The following KIAA1958 variants were observed in gnomAD, a reference collection of about 807,000 sequenced individuals.
KIAA1958 encodes the protein KIAA1958, also known as uncharacterized protein KIAA1958.
A neutral mutation model predicts 47.2 loss-of-function variants in KIAA1958; 14 were observed. The observed-to-expected ratio is 0.30, with a 90% CI of 0.20 to 0.46. KIAA1958 has a LOEUF of 0.46. Ranked by LOEUF, KIAA1958 falls within the 20% of genes least tolerant of loss-of-function variation. The pLI is 1.00. For synonymous variants in KIAA1958, 354 were observed against 353.3 expected, an observed-to-expected ratio of 1.00 and a Z score of -0.02; for missense variants, 803 against 909.2, an observed-to-expected ratio of 0.88 and a Z score of 1.50.
intron 2 of KIAA1958, among the ~76,000 whole-genome samples, chr9:112,637,876 C>T (rs866863132): frequency 4.6e-5 from 7 of 151,830 alleles, no homozygotes; most frequent in African/African-American, 9.7e-5. Flanking sequence ...GGGCCAGGCG[C>T]GGTGGCTCAC....
chr9:112,569,877 G>T (rs1564175673), intron 1 of KIAA1958, among the ~76,000 whole-genome samples: 1 of 152,072 alleles, frequency 6.6e-6, no homozygotes, highest in Non-Finnish European at 1.5e-5. Flanking sequence ...ACCCACTTCG[G>T]CTCCTCAAAG....
intron 1 of KIAA1958, among the ~76,000 whole-genome samples, chr9:112,558,389 T>C (rs1835278051): frequency 6.6e-6 from 1 of 152,196 alleles, no homozygotes; most frequent in African/African-American, 2.4e-5. Flanking sequence ...TCTAGAACTA[T>C]ATGGGAAGAG....
At chr9:112,497,593 A>G (rs1031542110) in intron 1 of KIAA1958, among the ~76,000 whole-genome samples, 5 of 152,298 alleles carry the variant, frequency 3.3e-5, no homozygotes, top group African/African-American at 1.2e-4. Context: ...GAATCCACTG[A>G]CATTGATAAA....
intron 2 of KIAA1958, among the ~76,000 whole-genome samples, chr9:112,601,279 G>T (rs766635584): frequency 3.3e-5 from 5 of 152,134 alleles, no homozygotes; most frequent in Non-Finnish European, 7.4e-5. Context: ...CATGATTGTT[G>T]TTACTGTTTT....
Position 112,659,301 on chromosome 9 carries a change from T to C in KIAA1958, c.1383T>C (p.Phe461=), listed in dbSNP as rs754125895. 5.0e-6 allele frequency: 8 copies of C among 1,613,830 alleles called. No homozygotes were observed. The East Asian group carries it at 1.8e-4, about 36-fold the overall frequency. ...AGTTGAACGAGCTGCTCGAGAACTT[T>C]TATGTCACCGTCAAGAAGAGCGACG... ...AVKLNELLEN[F]YVTVKKSDGS... is the part of the protein sequence containing the mutation. Residue 461 remains phenylalanine (F), a synonymous_variant, in exon 4 of 4, where the codon TTT becomes TTC. Coordinates refer to ENST00000337530, the MANE Select transcript of KIAA1958 (RefSeq NM_133465.4).
At chr9:112,548,135 G>GT in intron 1 of KIAA1958, among the ~76,000 whole-genome samples, 1 of 151,424 alleles carries the variant, frequency 6.6e-6, no homozygotes, top group South Asian at 2.1e-4. Flanking sequence ...CCCCAAGTAG[G>GT]TGGGACTACA....
chr9:112,564,311 A>G (rs1050374771), intron 1 of KIAA1958, among the ~76,000 whole-genome samples: 15 of 152,168 alleles, frequency 9.9e-5, no homozygotes, highest in African/African-American at 3.1e-4. Context: ...GTAGGCATAT[A>G]GTTACTTAGG....
intron 3 of KIAA1958, among the ~76,000 whole-genome samples, chr9:112,651,708 A>T (rs929240182): frequency 6.6e-6 from 1 of 151,560 alleles, no homozygotes; most frequent in Admixed American, 6.6e-5. Flanking sequence ...ATTAAATTAT[A>T]AATTAATTAC....
At chr9:112,497,788 C>T in intron 1 of KIAA1958, among the ~76,000 whole-genome samples, 1 of 152,084 alleles carries the variant, frequency 6.6e-6, no homozygotes, top group East Asian at 1.9e-4. Context: ...TCTGTTTCTA[C>T]CAGCCTCTCC....
rs150043176 is a variant in KIAA1958 at position 112,601,210 on chromosome 9, G to A, written c.1171+25959G>A. Among the ~76,000 whole-genome samples the A allele has an allele frequency of 2.3e-3, 344 of 152,244 alleles. 1 individual carries two copies. Among genetic ancestry groups the A allele is most frequent in the African/African-American group, 7.7e-3 (320 of 41,528 alleles). ...GAAAGAAAATATCTGAATCTAGTGG[G>A]TTTCAGAAAGAATTCCTTAACTCAT... On this transcript the variant is annotated intron_variant, in intron 2 of 3. Coordinates refer to ENST00000337530, the MANE Select transcript of KIAA1958 (RefSeq NM_133465.4).
chr9:112,652,423 G>T (rs777947309), intron 3 of KIAA1958, among the ~76,000 whole-genome samples: 2 of 152,088 alleles, frequency 1.3e-5, no homozygotes, highest in Non-Finnish European at 2.9e-5. Context: ...CAAACAACAC[G>T]GGCCAGAATG....
intron 2 of KIAA1958, chr9:112,581,954 G>A: frequency 4.0e-6 from 1 of 248,982 alleles, no homozygotes; most frequent in South Asian, 5.9e-5. Flanking sequence ...ACCTCTTGTT[G>A]CCACCTTTCC....
Position 112,612,541 on chromosome 9 carries a change from C to T in KIAA1958, c.1172-33109C>T, listed in dbSNP as rs140137702. Among the ~76,000 whole-genome samples the T allele has an allele frequency of 5.4e-3, 827 of 151,778 alleles. 11 individuals carry two copies. Among genetic ancestry groups the T allele is most frequent in the African/African-American group, 0.019 (794 of 41,404 alleles). ...AAAATTCACAGAAAATGAGAAAATA[C>T]AGATAACTAGTATGTACTTGAAAAA... On this transcript the variant is annotated intron_variant, in intron 2 of 3. Coordinates refer to ENST00000337530, the MANE Select transcript of KIAA1958 (RefSeq NM_133465.4).
chr9:112,535,024 T>C (rs1834827685), intron 1 of KIAA1958, among the ~76,000 whole-genome samples: 1 of 152,238 alleles, frequency 6.6e-6, no homozygotes, highest in Non-Finnish European at 1.5e-5. Context: ...CAACATGATG[T>C]TTTGATACAT....
At chr9:112,554,488 TGA>T (rs1372362843) in intron 1 of KIAA1958, among the ~76,000 whole-genome samples, 1 of 116,544 alleles carries the variant, frequency 8.6e-6, no homozygotes, top group Non-Finnish European at 1.7e-5. Flanking sequence ...ACAGAATGAG[TGA>T]GACTCCATCT....
Position 112,664,248 on chromosome 9 carries a change from A to C in KIAA1958, c.*4179A>C, listed in dbSNP as rs1264286190. On this transcript the variant is annotated 3_prime_UTR_variant, in exon 4 of 4. Transcript: ENST00000337530. ...TTAATTTTCAAGTTCCACAACTTCT[A>C]AAATTATTTTGCTATCTCGAAGCAG... is the stretch of plus-strand genomic sequence containing the variant. The C allele has an allele frequency of 6.6e-6, 1 of 152,264 alleles. No individual in the cohort carries two copies. The highest frequency in any genetic ancestry group is 1.5e-5 in the Non-Finnish European group (1 of 68,048). The allele number at this position is 152,264 out of a possible 1,614,324, so 9.4% of individuals were successfully genotyped here.
In KIAA1958 at chr9:112,654,329, G is replaced by A. The variant is rs114922178; in HGVS notation, c.1345-4934G>A. Reference sequence around the variant, plus strand: ...GGTTATTGCAGAAACCATCACATTAGGAGAATGGATAGAATGGACTACCTT... The same window carrying A: ...GGTTATTGCAGAAACCATCACATTAAGAGAATGGATAGAATGGACTACCTT... On this transcript the variant is annotated intron_variant, in intron 3 of 3. Coordinates refer to ENST00000337530, the MANE Select transcript of KIAA1958 (RefSeq NM_133465.4). 1.8e-3 allele frequency among the ~76,000 whole-genome samples: 277 copies of A among 152,246 alleles called. 1 individual carries two copies. Among genetic ancestry groups the A allele is most frequent in the African/African-American group, 6.0e-3 (249 of 41,538 alleles).
At chr9:112,534,662 C>T (rs1564162815) in intron 1 of KIAA1958, among the ~76,000 whole-genome samples, 1 of 151,760 alleles carries the variant, frequency 6.6e-6, no homozygotes, top group Non-Finnish European at 1.5e-5. Context: ...TCCTGCCTCA[C>T]CCTCTTGAGT....
chr9:112,657,708 G>C (rs1356361241), intron 3 of KIAA1958, among the ~76,000 whole-genome samples: 1 of 152,082 alleles, frequency 6.6e-6, no homozygotes, highest in Non-Finnish European at 1.5e-5. Flanking sequence ...TATTCAGCTT[G>C]AATAGACCAT....
Sources: gnomAD v4.1 joint callset for allele counts (sites outside exome capture counted in the v4.1 genomes callset) on GRCh38, gnomAD v4.1.1 for gene constraint, MANE v1.5 for transcripts, NCBI Gene and HGNC (gene_info 2026-07-23, HGNC 2026-07-21) for gene names.